GALK1: variants seen among roughly 807,000 people sequenced by gnomAD.
GALK1 encodes galactokinase.
In GALK1, 30 loss-of-function variants were observed where a neutral mutation model predicts 38.6. The ratio of observed to expected loss-of-function variants is 0.78; its 90% CI spans 0.58 to 1.05. GALK1 has a LOEUF of 1.05. Among genes scored for constraint, GALK1 ranks in the 50% least tolerant of loss-of-function variants. GALK1 has a pLI of 0.00. For synonymous variants in GALK1, 240 were observed against 233.6 expected, an observed-to-expected ratio of 1.03 and a Z score of -0.25; for missense variants, 512 against 540.5, an observed-to-expected ratio of 0.95 and a Z score of 0.52.
At chr17:75,757,147 G>C (rs2061532910), downstream of GALK1, 11 of 1,612,662 alleles carry the variant, frequency 6.8e-6, no homozygotes, top group Non-Finnish European at 9.3e-6. Flanking sequence ...CCCCTCCTCG[G>C]GCCGTGCCTC....
chr17:75,751,908 A>T, intron 8 of GALK1: 1 of 540,704 alleles, frequency 1.8e-6, no homozygotes. Context: ...ATATGGGTAG[A>T]GGTGACATCG....
downstream of GALK1, chr17:75,756,734 C>T: frequency 1.2e-6 from 2 of 1,613,240 alleles, no homozygotes; most frequent in Non-Finnish European, 1.7e-6. Context: ...ACTCCCAGTG[C>T]CCCAGGCCCG....
intron 6 of GALK1, 27 bp from the exon 7 acceptor site, chr17:75,758,399 G>A (rs1166574359): frequency 6.3e-7 from 1 of 1,577,702 alleles, no homozygotes; most frequent in South Asian, 1.2e-5. Context: ...GAAGGGGTGG[G>A]CCTGGGCCGG....
intron 5 of GALK1, among the ~76,000 whole-genome samples, chr17:75,760,621 A>T (rs975767924): frequency 3.3e-5 from 5 of 151,726 alleles, no homozygotes; most frequent in African/African-American, 1.2e-4. Flanking sequence ...CAAAAAAAAA[A>T]AAAAATTAAC....
chr17:75,760,723 C>T (rs941511018), intron 5 of GALK1, among the ~76,000 whole-genome samples: 5 of 151,992 alleles, frequency 3.3e-5, no homozygotes, highest in African/African-American at 1.2e-4. Flanking sequence ...TTGCAGTGAG[C>T]CGAGATCACG....
At position 75,758,143 on chromosome 17, in the gene GALK1, TG is replaced by T. The variant is rs1441859238; in HGVS notation, c.1108-17del. ...CGTAGTGCTCCTGTAAGAGGCGGGC[TG>T]GGGGTGAGTGGCAGGGCCCCGGGAA... is the stretch of plus-strand genomic sequence containing the variant. On this transcript the variant is annotated splice_polypyrimidine_tract_variant and intron_variant, in intron 7 of 7. Transcript: ENST00000588479. 4 of 1,612,276 alleles carry T rather than the reference TG, an allele frequency of 2.5e-6. No homozygotes were observed. The African/African-American group carries it at 4.0e-5, about 16-fold the overall frequency.
chr17:75,756,345 C>T (rs530658683), downstream of GALK1: 215 of 1,503,878 alleles, frequency 1.4e-4, no homozygotes, highest in African/African-American at 2.3e-4. Flanking sequence ...AACTAGGTCT[C>T]GATGGCAGCT....
At chr17:75,751,874 G>T in intron 8 of GALK1, 1 of 479,226 alleles carries the variant, frequency 2.1e-6, no homozygotes. Flanking sequence ...GCGTGCCCTT[G>T]CCTTGTGTGG....
intron 8 of GALK1, chr17:75,751,879 G>A: frequency 2.0e-6 from 1 of 488,082 alleles, no homozygotes; most frequent in East Asian, 4.0e-5. Flanking sequence ...CCCTTGCCTT[G>A]TGTGGAGGCA....
chr17:75,753,766 C>A, downstream of GALK1: 2 of 1,441,592 alleles, frequency 1.4e-6, no homozygotes, highest in East Asian at 2.8e-5. Flanking sequence ...GTTCCCAAGG[C>A]TGCGGCTGGA....
At chr17:75,759,492 G>A (rs992796142) in intron 5 of GALK1, among the ~76,000 whole-genome samples, 1 of 152,008 alleles carries the variant, frequency 6.6e-6, no homozygotes, top group Admixed American at 6.6e-5. Flanking sequence ...TGTTTTAGGA[G>A]GGAAGAAAAC....
chr17:75,755,080 G>T (rs761964471), downstream of GALK1: 3 of 1,601,072 alleles, frequency 1.9e-6, no homozygotes, highest in East Asian at 2.3e-5. Context: ...GGGAACACGG[G>T]AGGAGCAGGC....
downstream of GALK1, chr17:75,753,947 C>T: frequency 3.9e-6 from 5 of 1,272,036 alleles, no homozygotes; most frequent in Non-Finnish European, 3.9e-6. Flanking sequence ...CAGCCTGCCC[C>T]GCAGTGCGAC....
intron 5 of GALK1, 75 bp from the exon 6 acceptor site, chr17:75,758,674 G>A (rs2061569443): frequency 1.3e-6 from 2 of 1,516,392 alleles, no homozygotes; most frequent in Non-Finnish European, 8.9e-7. Flanking sequence ...CCAGCAGGCG[G>A]TGATGGCAGT....
chr17:75,761,331 C>T (rs916203359), intron 5 of GALK1, among the ~76,000 whole-genome samples: 6 of 151,564 alleles, frequency 4.0e-5, no homozygotes, highest in African/African-American at 1.5e-4. Flanking sequence ...CTTTAAAGAG[C>T]CACACGGAGG....
chr17:75,757,453 C>T (rs200199740), downstream of GALK1: 899 of 1,596,418 alleles, frequency 5.6e-4, 3 homozygotes, highest in African/African-American at 0.011. Context: ...TGGAGGCAGG[C>T]GGCTCCCTCA....
At chr17:75,757,294 C>A, downstream of GALK1, 2 of 1,612,106 alleles carry the variant, frequency 1.2e-6, no homozygotes, top group Non-Finnish European at 1.7e-6. Flanking sequence ...CCAGCGCCAC[C>A]GAGCCCTTCC....
intron 5 of GALK1, among the ~76,000 whole-genome samples, chr17:75,761,709 T>C (rs1340385051): frequency 6.2e-5 from 9 of 145,762 alleles, no homozygotes; most frequent in Non-Finnish European, 1.3e-4. Flanking sequence ...TCTGAGATTA[T>C]GTTTAGTTTA....
Position 75,762,999 on chromosome 17 carries a change from G to A in GALK1, c.611+15C>T, listed in dbSNP as rs1354645946. Reference sequence around the variant, plus strand: ...TGAGTGCAGGGCGGGAGGGGACGAGGGGAGCGAGCCCAACCTGCAGTCAAT... The same window carrying A: ...TGAGTGCAGGGCGGGAGGGGACGAGAGGAGCGAGCCCAACCTGCAGTCAAT... On this transcript the variant is annotated intron_variant, in intron 4 of 7. Coordinates refer to ENST00000588479, the MANE Select transcript of GALK1 (RefSeq NM_000154.2). The A allele has an allele frequency of 6.2e-7, 1 of 1,612,436 alleles. No individual in the cohort carries two copies. The highest frequency in any genetic ancestry group is 1.7e-5 in the Admixed American group (1 of 60,002).
Sources: allele counts gnomAD v4.1 joint callset (sites outside exome capture counted in the v4.1 genomes callset), GRCh38; gene constraint gnomAD v4.1.1; transcripts MANE v1.5; gene names NCBI Gene and HGNC (gene_info 2026-07-23, HGNC 2026-07-21).